The following REM1 variants were observed in gnomAD, a reference collection of about 807,000 sequenced individuals.
The protein encoded by REM1 is RRAD and GEM like GTPase 1.
REM1 carries 20 observed loss-of-function variants against 27.0 expected under a neutral mutation model. The ratio of observed to expected loss-of-function variants is 0.74; its 90% CI spans 0.52 to 1.08. The LOEUF (loss-of-function observed/expected upper bound fraction) is 1.08, where lower values mean the gene tolerates loss of function less well. Among genes scored for constraint, REM1 ranks in the 50% least tolerant of loss-of-function variants. The pLI is 0.00. For missense variants in REM1, 405 were observed against 407.0 expected, an observed-to-expected ratio of 1.00 and a Z score of 0.04; for synonymous variants, 159 against 167.9, an observed-to-expected ratio of 0.95 and a Z score of 0.41.
In REM1 at chr20:31,475,593, C is replaced by G. The variant is rs1238151380; in HGVS notation, c.-220+227C>G. Among the ~76,000 whole-genome samples, 1 of 152,206 alleles carries G rather than the reference C, an allele frequency of 6.6e-6. No individual in the cohort carries two copies. Among genetic ancestry groups the G allele is most frequent in the Non-Finnish European group, 1.5e-5 (1 of 68,034 alleles). ...ACCCGGGATGCCGGCTGAGAAAGCTCGGACCCAGACTCCAGGAATGGCACA... is the reference window on the plus strand; with the variant it reads ...ACCCGGGATGCCGGCTGAGAAAGCTGGGACCCAGACTCCAGGAATGGCACA... On this transcript the variant is annotated intron_variant, in intron 1 of 4. Transcript: ENST00000201979. This position sits in a 1 kb window ranked among gnomAD's most constrained non-coding sequence, Gnocchi z 5.0.
chr20:31,476,127 T>TA (rs1253652120), intron 1 of REM1, 100 bp from the exon 2 acceptor site: 2 of 328,146 alleles, frequency 6.1e-6, no homozygotes, highest in Non-Finnish European at 5.6e-6. Flanking sequence ...TGCCTGTCTG[T>TA]CATCAGGAGT....
At position 31,484,179 on chromosome 20, in the gene REM1, G is replaced by T. The variant is rs368942053; in HGVS notation, c.646G>T (p.Val216Leu). 3 of 1,602,656 alleles carry T rather than the reference G, an allele frequency of 1.9e-6. No homozygotes were observed. Among genetic ancestry groups the T allele is most frequent in the South Asian group, 2.2e-5 (2 of 89,742 alleles). Residue 216 changes from valine to leucine, a missense_variant, in exon 5 of 5, where the codon GTG becomes TTG. Val to Leu is a conservative substitution (Grantham distance 32, BLOSUM62 1). Coordinates refer to ENST00000201979, the MANE Select transcript of REM1 (RefSeq NM_014012.6). Reference sequence around the variant, plus strand: ...CTTAGAGGGCCGCGCCTGCGCTGTGGTGTTCGACTGTAAATTCATCGAGAC... The same window carrying T: ...CTTAGAGGGCCGCGCCTGCGCTGTGTTGTTCGACTGTAAATTCATCGAGAC... Reference protein sequence around the residue: ...SVEEGRACAVVFDCKFIETSA... With the variant: ...SVEEGRACAVLFDCKFIETSA...
intron 3 of REM1, 56 bp downstream of exon 3, chr20:31,477,966 C>A: frequency 9.3e-7 from 1 of 1,080,950 alleles, no homozygotes; most frequent in Middle Eastern, 2.0e-4. Context: ...ATACTAGACT[C>A]CTTCCTGTCC....
intron 4 of REM1, among the ~76,000 whole-genome samples, chr20:31,483,019 G>T (rs762815236): frequency 1.3e-5 from 2 of 152,032 alleles, no homozygotes; most frequent in Non-Finnish European, 2.9e-5. Flanking sequence ...AAAAATTCTG[G>T]CCAGGCCCAG....
rs772289449 is a variant in REM1 at position 31,482,282 on chromosome 20, TGCAGGATAAAA to T, written c.424-2_432del. ...GAGGATGGGTCTTGGGTCCCTCTCC[TGCAGGATAAAA>T]GCTGGAGCCAGGAGTCATGCCTGCA... On this transcript the variant is annotated splice_acceptor_variant and splice_polypyrimidine_tract_variant and coding_sequence_variant and intron_variant, in exon 4 of 5. Transcript: ENST00000201979. LOFTEE classifies it high-confidence loss of function. 5.0e-6 allele frequency: 8 copies of T among 1,613,866 alleles called. No homozygotes were observed. The highest frequency in any genetic ancestry group is 6.8e-6 in the Non-Finnish European group (8 of 1,179,954).
rs990757787 is a variant in REM1 at position 31,478,321 on chromosome 20, T to G, written c.423+411T>G. ...GACTTAGCCACTCCGAGCTTCAGTT[T>G]TCTCATCTGATAAATGGGTTAACCA... On this transcript the variant is annotated intron_variant, in intron 3 of 4. Coordinates refer to ENST00000201979, the MANE Select transcript of REM1 (RefSeq NM_014012.6). Among the ~76,000 whole-genome samples the G allele has an allele frequency of 5.3e-5, 8 of 152,286 alleles. No homozygotes were observed. The East Asian group carries it at 1.5e-3, about 29-fold the overall frequency.
At position 31,476,431 on chromosome 20, in the gene REM1, C is replaced by G. The variant is rs1004490294; in HGVS notation, c.-15C>G. The G allele has an allele frequency of 2.6e-6, 4 of 1,537,748 alleles. No homozygotes were observed. The highest frequency in any genetic ancestry group is 3.5e-6 in the Non-Finnish European group (4 of 1,143,716). ...AGAAGGAAAGAAGGAAGAAGCAAAC[C>G]CCCCCCTACCAAAGATGACACTCAA... On this transcript the variant is annotated 5_prime_UTR_variant, in exon 2 of 5. Coordinates refer to ENST00000201979, the MANE Select transcript of REM1 (RefSeq NM_014012.6).
Position 31,484,487 on chromosome 20 carries a change from G to T in REM1, c.*57G>T. ...ACTGAGGTGCATTCTGGGCTCCAGG[G>T]ACGCCACTGCGGGGCAAAGGCGCCG... On this transcript the variant is annotated 3_prime_UTR_variant, in exon 5 of 5. Transcript: ENST00000201979. The T allele has an allele frequency of 7.0e-7, 1 of 1,433,040 alleles. No homozygotes were observed. Among genetic ancestry groups the T allele is most frequent in the Non-Finnish European group, 9.2e-7 (1 of 1,091,804 alleles). The allele number at this position is 1,433,040 out of a possible 1,614,324, so 88.8% of individuals were successfully genotyped here. A position where few individuals can be genotyped will look rare whatever the true frequency, so the allele number is the denominator to read the frequency against.
At position 31,475,462 on chromosome 20, in the gene REM1, G is replaced by C. The variant is rs1016737337; in HGVS notation, c.-220+96G>C. ...ATTCGGCAGCGTTGGCAGGAATAGG[G>C]GGGCTTCGAAACCGCGTCCCTAGGG... On this transcript the variant is annotated intron_variant, in intron 1 of 4. Coordinates refer to ENST00000201979, the MANE Select transcript of REM1 (RefSeq NM_014012.6). This position sits in a 1 kb window ranked among gnomAD's most constrained non-coding sequence, Gnocchi z 5.0. 1 of 152,412 alleles carries C rather than the reference G, an allele frequency of 6.6e-6. No individual in the cohort carries two copies. Among genetic ancestry groups the C allele is most frequent in the African/African-American group, 2.4e-5 (1 of 41,470 alleles). The allele number at this position is 152,412 out of a possible 1,614,324, so 9.4% of individuals were successfully genotyped here.
chr20:31,483,858 CAGAATCAGAAACTCTGAGGGTG>C (rs1980817151), intron 4 of REM1, among the ~76,000 whole-genome samples: 1 of 151,610 alleles, frequency 6.6e-6, no homozygotes, highest in Admixed American at 6.6e-5. Context: ...CCCAAACCTA[CAGAATCAGAAACTCTGAGGGTG>C]GGTCCAGGAA....
chr20:31,478,899 A>G (rs191299100), intron 3 of REM1, among the ~76,000 whole-genome samples: 182 of 149,202 alleles, frequency 1.2e-3, no homozygotes, highest in Non-Finnish European at 7.4e-4. Context: ...CAGTGGCGCC[A>G]TCTCGGCTCA....
rs756406118 is a variant in REM1 at position 31,482,502 on chromosome 20, C to T, written c.625+14C>T. 4 of 1,611,096 alleles carry T rather than the reference C, an allele frequency of 2.5e-6. No homozygotes were observed. The Admixed American group carries it at 5.0e-5, about 20-fold the overall frequency. On this transcript the variant is annotated intron_variant, in intron 4 of 4. Transcript: ENST00000201979. ...TCTCTGTGGAAGGTGAGCCCTCCAT[C>T]CCACCACCTCCTCTTCACCTGGGCC...
rs773562534 is a variant in REM1 at position 31,476,414 on chromosome 20, AGAAG to A, written c.-27_-24del. 1.5e-5 allele frequency: 22 copies of A among 1,503,900 alleles called. No homozygotes were observed. The highest frequency in any genetic ancestry group is 2.0e-5 in the Non-Finnish European group (22 of 1,116,616). 93.2% of individuals were successfully genotyped at this position (1,503,900 alleles called of 1,614,324 possible). ...CAATTCCCCCTTCTTTCAGAAGGAA[AGAAG>A]GAAGAAGCAAACCCCCCCCTACCAA... On this transcript the variant is annotated 5_prime_UTR_variant, in exon 2 of 5. Transcript: ENST00000201979.
chr20:31,476,102 T>C (rs1980485400), intron 1 of REM1, 125 bp from the exon 2 acceptor site: 1 of 281,158 alleles, frequency 3.6e-6, no homozygotes, highest in African/African-American at 2.2e-5. Context: ...CCCACCTTAC[T>C]ACTGCCCCTC....
In REM1 at chr20:31,476,585, G is replaced by A; in HGVS notation, c.140G>A (p.Gly47Asp). The change falls in exon 2 of 5, where the codon GGC becomes GAC. Residue 47 changes from glycine to aspartate, a missense_variant. Transcript: ENST00000201979. ...PSTQSQHPRL[G>D]QSASLNPPTQ... ...ACTCAATCCCAGCATCCCCGGCTGG[G>A]CCAATCAGCCTCCCTCAACCCTCCC... is the stretch of plus-strand genomic sequence containing the variant. 6.2e-7 allele frequency: 1 copy of A among 1,614,104 alleles called. No individual in the cohort carries two copies. The highest frequency in any genetic ancestry group is 8.5e-7 in the Non-Finnish European group (1 of 1,180,012).
chr20:31,483,599 T>C (rs1315644730), intron 4 of REM1, among the ~76,000 whole-genome samples: 2 of 152,056 alleles, frequency 1.3e-5, no homozygotes, highest in African/African-American at 2.4e-5. Flanking sequence ...ACATATCAGA[T>C]AGGGCCCATA....
chr20:31,483,701 A>C (rs1980806489), intron 4 of REM1, among the ~76,000 whole-genome samples: 1 of 150,982 alleles, frequency 6.6e-6, no homozygotes, highest in Non-Finnish European at 1.5e-5. Flanking sequence ...CACAGTCACC[A>C]GCCCCTGAGG....
chr20:31,484,285 C>A lies in REM1; in HGVS notation c.752C>A (p.Ala251Glu). 6.3e-7 allele frequency: 1 copy of A among 1,590,430 alleles called. No individual in the cohort carries two copies. Among genetic ancestry groups the A allele is most frequent in the Middle Eastern group, 1.7e-4 (1 of 5,904 alleles). ...RQLRLRRRDS[A>E]AKEPPAPRRP... ...CTGCGCTTGCGCCGCCGGGACAGTGCGGCCAAGGAACCCCCAGCACCCCGA... is the reference window on the plus strand; with the variant it reads ...CTGCGCTTGCGCCGCCGGGACAGTGAGGCCAAGGAACCCCCAGCACCCCGA... Residue 251 changes from alanine to glutamate, a missense_variant, in exon 5 of 5, where the codon GCG becomes GAG. Ala to Glu is a moderately radical substitution (Grantham distance 107, BLOSUM62 -1). Transcript: ENST00000201979.
chr20:31,478,635 A>T (rs534289117), intron 3 of REM1, among the ~76,000 whole-genome samples: 2 of 152,302 alleles, frequency 1.3e-5, no homozygotes, highest in South Asian at 4.1e-4. Flanking sequence ...AGCAAAGAGA[A>T]GGATCTAAAA....
Sources: allele counts gnomAD v4.1 joint callset (sites outside exome capture counted in the v4.1 genomes callset), GRCh38; gene constraint gnomAD v4.1.1; non-coding constraint Gnocchi (gnomAD v3.1); transcripts MANE v1.5; gene names NCBI Gene and HGNC (gene_info 2026-07-23, HGNC 2026-07-21).